The following TNRC6B variants were observed in gnomAD, a reference collection of about 807,000 sequenced individuals.
The protein encoded by TNRC6B is trinucleotide repeat-containing gene 6B protein.
Under a neutral mutation model 203.6 loss-of-function variants are expected in TNRC6B, and 52 were observed. That is an observed-to-expected ratio of 0.26 (90% confidence interval 0.20 to 0.32). TNRC6B has a LOEUF of 0.32. TNRC6B is among the 10% of genes least tolerant of loss of function. The probability of loss-of-function intolerance (pLI) is 1.00; values close to 1 mark genes in which losing one functional copy is unlikely to be tolerated. For missense variants in TNRC6B, 1,923 were observed against 2,286.2 expected, an observed-to-expected ratio of 0.84 and a Z score of 3.24; for synonymous variants, 838 against 845.7, an observed-to-expected ratio of 0.99 and a Z score of 0.16.
intron 3 of TNRC6B, among the ~76,000 whole-genome samples, chr22:40,141,782 T>C (rs1312110423): frequency 6.6e-6 from 1 of 152,054 alleles, no homozygotes; most frequent in Non-Finnish European, 1.5e-5. Flanking sequence ...TTTTTGTTTT[T>C]GTTTTTTCTT....
At chr22:40,279,004 G>A (rs1383226798) in intron 9 of TNRC6B, among the ~76,000 whole-genome samples, 2 of 152,238 alleles carry the variant, frequency 1.3e-5, no homozygotes, top group Non-Finnish European at 2.9e-5. Context: ...CCTTCCCAAA[G>A]TGCTGGGATT....
intron 19 of TNRC6B, among the ~76,000 whole-genome samples, chr22:40,313,541 G>C (rs1278759195): frequency 6.6e-6 from 1 of 152,194 alleles, no homozygotes; most frequent in Non-Finnish European, 1.5e-5. Context: ...TAAAGGCTTT[G>C]AAGTCACTCA....
At chr22:40,213,032 G>A (rs1171707990) in intron 1 of TNRC6B, among the ~76,000 whole-genome samples, 1 of 152,206 alleles carries the variant, frequency 6.6e-6, no homozygotes, top group Non-Finnish European at 1.5e-5. Flanking sequence ...AACTGTTAGT[G>A]ATAGCTTAAC....
intron 7 of TNRC6B, among the ~76,000 whole-genome samples, chr22:40,276,308 C>G (rs2070643862): frequency 6.7e-6 from 1 of 150,214 alleles, no homozygotes; most frequent in African/African-American, 2.5e-5. Flanking sequence ...GATGGCACCA[C>G]TGCACTCTAG....
At position 40,312,309 on chromosome 22, in the gene TNRC6B, T is replaced by C. The variant is rs147121889; in HGVS notation, c.4436-196T>C. On this transcript the variant is annotated intron_variant, in intron 17 of 22. Coordinates refer to ENST00000454349, the MANE Select transcript of TNRC6B (RefSeq NM_001162501.2). ...GCTTCCAGTTGACTGCCACAGACAGTGTGATAAAACAAAGGTGCTGTTGGC... is the reference window on the plus strand; with the variant it reads ...GCTTCCAGTTGACTGCCACAGACAGCGTGATAAAACAAAGGTGCTGTTGGC... 3.1e-3 allele frequency among the ~76,000 whole-genome samples: 470 copies of C among 152,296 alleles called. 1 individual carries two copies. Among genetic ancestry groups the C allele is most frequent in the African/African-American group, 0.01 (419 of 41,558 alleles).
Position 40,264,845 on chromosome 22 carries a change from C to A in TNRC6B, c.615C>A (p.Ser205Arg). ...TGGAAGAGTGGCCTTGTATTGCCAG[C>A]AAAGACACTGAATCTTCTTCCGAAA... ...SDMEEWPCIASKDTESSSENT... is the reference protein window; with the variant it reads ...SDMEEWPCIARKDTESSSENT... The change falls in exon 5 of 23, where the codon AGC (serine) becomes AGA (arginine). Residue 205 changes from serine to arginine, a missense_variant. By Grantham distance (110) the Ser-to-Arg change is moderately radical (BLOSUM62 -1). Transcript: ENST00000454349. 1 of 1,613,906 alleles carries A rather than the reference C, an allele frequency of 6.2e-7. No individual in the cohort carries two copies. Among genetic ancestry groups the A allele is most frequent in the Non-Finnish European group, 8.5e-7 (1 of 1,179,898 alleles).
At chr22:40,161,780 T>C (rs2068873332) in intron 4 of TNRC6B, among the ~76,000 whole-genome samples, 1 of 152,254 alleles carries the variant, frequency 6.6e-6, no homozygotes, top group African/African-American at 2.4e-5. Flanking sequence ...TCTAATGTAA[T>C]CATTTTTCTG....
intron 1 of TNRC6B, among the ~76,000 whole-genome samples, chr22:40,231,152 T>C (rs895410470): frequency 6.6e-6 from 1 of 152,164 alleles, no homozygotes; most frequent in Non-Finnish European, 1.5e-5. Context: ...GTTAATCACT[T>C]TAACTTTATA....
intron 3 of TNRC6B, among the ~76,000 whole-genome samples, chr22:40,135,502 T>A (rs8140695): frequency 0.23 from 34,325 of 151,824 alleles, 4,223 homozygotes; most frequent in Admixed American, 0.34. Flanking sequence ...AAGTAGCAAA[T>A]TTTTTTTTGT....
intron 4 of TNRC6B, among the ~76,000 whole-genome samples, chr22:40,162,441 A>G (rs1479780780): frequency 1.3e-5 from 2 of 152,192 alleles, no homozygotes; most frequent in Admixed American, 6.6e-5. Context: ...ATTAGGCACT[A>G]AACTTTCTGG....
At chr22:40,070,405 T>G (rs926125205) in intron 1 of TNRC6B, among the ~76,000 whole-genome samples, 1 of 152,210 alleles carries the variant, frequency 6.6e-6, no homozygotes, top group Non-Finnish European at 1.5e-5. Context: ...GCTGTTTTTC[T>G]TTAAACATAA....
chr22:40,077,240 A>C (rs75473529), intron 1 of TNRC6B, among the ~76,000 whole-genome samples: 1 of 152,014 alleles, frequency 6.6e-6, no homozygotes, highest in Non-Finnish European at 1.5e-5. Flanking sequence ...TGCATAGGTT[A>C]TCTCTCCCAT....
chr22:40,055,513 C>G (rs1474794873), intron 1 of TNRC6B, among the ~76,000 whole-genome samples: 1 of 152,204 alleles, frequency 6.6e-6, no homozygotes, highest in Non-Finnish European at 1.5e-5. Flanking sequence ...ATGTCAGACT[C>G]AGCCTCTTAC....
intron 1 of TNRC6B, among the ~76,000 whole-genome samples, chr22:40,208,302 T>A (rs2069513878): frequency 6.6e-6 from 1 of 152,138 alleles, no homozygotes; most frequent in Non-Finnish European, 1.5e-5. Flanking sequence ...AGTTGTGGGC[T>A]GGTAACCTAC....
Position 40,300,521 on chromosome 22 carries a change from C to T in TNRC6B, c.3775C>T (p.Pro1259Ser). 6.2e-7 allele frequency: 1 copy of T among 1,613,218 alleles called. No homozygotes were observed. The highest frequency in any genetic ancestry group is 8.5e-7 in the Non-Finnish European group (1 of 1,179,622). ...GAGTCCAGGTCTTTTCAATGTGGGG[C>T]CCCAGTTATCTCCTCAACAAATTGC... ...GLSPGLFNVG[P>S]QLSPQQIAML... The change falls in exon 13 of 23, where the codon CCC becomes TCC. Residue 1259 changes from proline (P) to serine (S), a missense_variant. Pro to Ser is a moderately conservative substitution (Grantham distance 74). Transcript: ENST00000454349.
rs1226295836 is a variant in TNRC6B at position 40,323,049 on chromosome 22, T to G, written c.5310T>G (p.Thr1770=). ...CTCTGAATCTTTTTGGTGGGTCCAC[T>G]GGGCTCGGGCAGTGGAGCAGCAGCG... is the stretch of plus-strand genomic sequence containing the variant. The part of the protein sequence containing the change: ...GPALNLFGGS[T]GLGQWSSSAG... The change falls in exon 23 of 23, where the codon ACT becomes ACG. Residue 1770 remains threonine (T), a synonymous_variant. Transcript: ENST00000454349. 6.2e-7 allele frequency: 1 copy of G among 1,601,940 alleles called. No homozygotes were observed. Among genetic ancestry groups the G allele is most frequent in the Admixed American group, 1.7e-5 (1 of 57,406 alleles).
At chr22:40,121,782 C>T (rs1454927559) in intron 2 of TNRC6B, among the ~76,000 whole-genome samples, 1 of 152,210 alleles carries the variant, frequency 6.6e-6, no homozygotes, top group Non-Finnish European at 1.5e-5. Context: ...GCCTAGTGTA[C>T]GCAGCCTTGT....
At chr22:40,107,128 A>G (rs1401582809) in intron 1 of TNRC6B, 5 of 603,570 alleles carry the variant, frequency 8.3e-6, no homozygotes, top group South Asian at 8.2e-5. Flanking sequence ...ATTTTCATGT[A>G]GTCATGTTTG....
At chr22:40,180,472 A>G (rs1365736417) in intron 1 of TNRC6B, among the ~76,000 whole-genome samples, 11 of 152,206 alleles carry the variant, frequency 7.2e-5, no homozygotes, top group Admixed American at 7.2e-4. Context: ...AATGTTTTTT[A>G]TAAATATTCT....
Sources: gnomAD v4.1 joint callset for allele counts (sites outside exome capture counted in the v4.1 genomes callset) on GRCh38, gnomAD v4.1.1 for gene constraint, MANE v1.5 for transcripts, NCBI Gene and HGNC (gene_info 2026-07-23, HGNC 2026-07-21) for gene names.